ISM1: variants seen among roughly 807,000 people sequenced by gnomAD.
ISM1 encodes isthmin-1.
In ISM1, 25 loss-of-function variants were observed where a neutral mutation model predicts 46.3. The observed-to-expected ratio is 0.54, with a 90% CI of 0.39 to 0.75. The LOEUF (loss-of-function observed/expected upper bound fraction) is 0.75, where lower values mean the gene tolerates loss of function less well. ISM1 is among the 30% of genes least tolerant of loss of function. The pLI is 0.00. For missense variants in ISM1, 536 were observed against 625.4 expected, an observed-to-expected ratio of 0.86 and a Z score of 1.52; for synonymous variants, 255 against 256.7, an observed-to-expected ratio of 0.99 and a Z score of 0.06.
intron 4 of ISM1, among the ~76,000 whole-genome samples, chr20:13,290,378 G>A (rs772036676): frequency 2.1e-4 from 32 of 152,206 alleles, no homozygotes; most frequent in Non-Finnish European, 3.4e-4. Flanking sequence ...TGCCTGGTGC[G>A]GTGGCTCATG....
chr20:13,308,487 G>A, the ISM1 span, among the ~76,000 whole-genome samples: 18,719 of 152,088 alleles, frequency 0.12, 1,222 homozygotes, highest in East Asian at 0.28. Flanking sequence ...TATCTAGTAA[G>A]TTGAATCTGC....
intron 3 of ISM1, among the ~76,000 whole-genome samples, chr20:13,287,948 G>C (rs2040311450): frequency 6.6e-6 from 1 of 152,220 alleles, no homozygotes; most frequent in South Asian, 2.1e-4. Flanking sequence ...GCATTCAGCT[G>C]TCCACTGGGA....
chr20:13,284,073 C>T (rs2040266116), intron 3 of ISM1, among the ~76,000 whole-genome samples: 1 of 152,198 alleles, frequency 6.6e-6, no homozygotes, highest in Non-Finnish European at 1.5e-5. Flanking sequence ...GCCTCAGTCT[C>T]CCTGCCCATA....
intron 1 of ISM1, among the ~76,000 whole-genome samples, chr20:13,243,225 C>A (rs2039750521): frequency 6.6e-6 from 1 of 152,194 alleles, no homozygotes; most frequent in Admixed American, 6.5e-5. Context: ...ATGGGCACAA[C>A]ATTTAACATC....
In ISM1 at chr20:13,221,928, C is replaced by G; in HGVS notation, c.138+14C>G. 1.3e-5 allele frequency: 17 copies of G among 1,324,584 alleles called. No homozygotes were observed. Among genetic ancestry groups the G allele is most frequent in the Non-Finnish European group, 1.6e-5 (17 of 1,043,064 alleles). 82.1% of individuals were successfully genotyped at this position (1,324,584 alleles called of 1,614,324 possible). A position where few individuals can be genotyped will look rare whatever the true frequency, so the allele number is the denominator to read the frequency against. On this transcript the variant is annotated intron_variant, in intron 1 of 5. Coordinates refer to ENST00000262487, the MANE Select transcript of ISM1 (RefSeq NM_080826.2). The stretch of plus-strand genomic sequence containing the variant: ...GCCCAGCTGCAGGTGAGTGCGCCGC[C>G]GGAGAGGGCCGTGCGCGGCTGCGGG...
intron 1 of ISM1, chr20:13,238,834 G>A (rs763476782): frequency 6.6e-6 from 1 of 152,196 alleles, no homozygotes; most frequent in Non-Finnish European, 1.5e-5. Context: ...AGGATACAAC[G>A]TTCTAAAGAG....
At chr20:13,280,787 A>G (rs2040231067) in intron 3 of ISM1, among the ~76,000 whole-genome samples, 1 of 152,222 alleles carries the variant, frequency 6.6e-6, no homozygotes, top group Non-Finnish European at 1.5e-5. Flanking sequence ...AGGCTGGGAA[A>G]TGTATTCTCT....
intron 1 of ISM1, among the ~76,000 whole-genome samples, chr20:13,263,332 GC>G (rs1358438945): frequency 2.0e-5 from 3 of 151,854 alleles, no homozygotes; most frequent in African/African-American, 7.3e-5. Flanking sequence ...GTCCCAACAA[GC>G]CCCCCACCAC....
chr20:13,291,841 T>G (rs1358301630), intron 4 of ISM1, among the ~76,000 whole-genome samples: 3 of 152,206 alleles, frequency 2.0e-5, no homozygotes, highest in African/African-American at 4.8e-5. Flanking sequence ...CACTTCCCAC[T>G]TGCTGCTCTA....
the ISM1 span, among the ~76,000 whole-genome samples, chr20:13,310,326 A>G: frequency 6.6e-6 from 1 of 152,200 alleles, no homozygotes; most frequent in African/African-American, 2.4e-5. Flanking sequence ...CAATGGGGAA[A>G]GGGTGGTCTC....
intron 1 of ISM1, 52 bp downstream of exon 1, chr20:13,221,966 G>T: frequency 7.7e-7 from 1 of 1,297,728 alleles, no homozygotes; most frequent in Non-Finnish European, 9.7e-7. Context: ...CGGTTTGTGG[G>T]GCGGGGGTGC....
intron 2 of ISM1, among the ~76,000 whole-genome samples, chr20:13,273,355 C>T (rs556848489): frequency 6.6e-6 from 1 of 152,056 alleles, no homozygotes; most frequent in South Asian, 2.1e-4. Context: ...CTACCTCAGC[C>T]TCCTGAGTAG....
chr20:13,260,059 G>T (rs2123218340), intron 1 of ISM1, among the ~76,000 whole-genome samples: 1 of 152,298 alleles, frequency 6.6e-6, no homozygotes, highest in East Asian at 1.9e-4. Flanking sequence ...GCCCACAATT[G>T]CATCAGCTGC....
the ISM1 span, among the ~76,000 whole-genome samples, chr20:13,323,834 T>C: frequency 2.6e-5 from 4 of 152,204 alleles, no homozygotes; most frequent in South Asian, 8.3e-4. Context: ...CAACAGAAAA[T>C]CATTGGTTTA....
the ISM1 span, among the ~76,000 whole-genome samples, chr20:13,322,500 C>T: frequency 3.3e-5 from 5 of 152,250 alleles, no homozygotes; most frequent in African/African-American, 7.2e-5. Context: ...CTGGACCAGA[C>T]GAGGTCCATA....
intron 1 of ISM1, among the ~76,000 whole-genome samples, chr20:13,232,122 G>A (rs1384219141): frequency 2.0e-5 from 3 of 152,194 alleles, no homozygotes; most frequent in Non-Finnish European, 2.9e-5. Context: ...GAGGACAGGA[G>A]GAGAAGAGTG....
the ISM1 span, among the ~76,000 whole-genome samples, chr20:13,308,429 C>T: frequency 1.3e-5 from 2 of 152,222 alleles, no homozygotes; most frequent in East Asian, 1.9e-4. Flanking sequence ...AACAGAAACT[C>T]TTACCATCAC....
At chr20:13,232,352 C>T (rs1271096504) in intron 1 of ISM1, among the ~76,000 whole-genome samples, 1 of 152,204 alleles carries the variant, frequency 6.6e-6, no homozygotes, top group Non-Finnish European at 1.5e-5. Flanking sequence ...CCTTCTCTCA[C>T]TGTAGATTAG....
intron 1 of ISM1, among the ~76,000 whole-genome samples, chr20:13,240,764 A>C (rs902739693): frequency 6.6e-6 from 1 of 152,170 alleles, no homozygotes; most frequent in African/African-American, 2.4e-5. Context: ...ACCAGGGTAG[A>C]GAAGAGTGGA....
Sources: gnomAD v4.1 joint callset for allele counts (sites outside exome capture counted in the v4.1 genomes callset) on GRCh38, gnomAD v4.1.1 for gene constraint, MANE v1.5 for transcripts, NCBI Gene and HGNC (gene_info 2026-07-23, HGNC 2026-07-21) for gene names.